Variants in ANOS1 observed in about 807,000 individuals in gnomAD.
The protein encoded by ANOS1 is anosmin-1.
A neutral mutation model predicts 59.0 loss-of-function variants in ANOS1; 6 were observed. That is an observed-to-expected ratio of 0.10 (90% CI 0.06 to 0.20). The LOEUF is 0.20. ANOS1 is among the 10% of genes least tolerant of loss of function. The probability of loss-of-function intolerance (pLI) is 1.00; values close to 1 mark genes in which losing one functional copy is unlikely to be tolerated. For missense variants in ANOS1, 433 were observed against 542.3 expected (o/e 0.80, Z 2.00); for synonymous variants, 217 against 223.4 (o/e 0.97, Z 0.25).
intron 2 of ANOS1, among the ~76,000 whole-genome samples, chrX:8,624,175 C>T (rs1315455463): frequency 9.2e-6 from 1 of 108,591 alleles, no homozygotes; most frequent in Non-Finnish European, 1.9e-5. Context: ...GCCACCACAC[C>T]GGGCTAATTT....
intron 2 of ANOS1, among the ~76,000 whole-genome samples, chrX:8,661,116 T>G (rs1174426897): frequency 1.8e-5 from 2 of 111,643 alleles, no homozygotes; most frequent in African/African-American, 6.5e-5. Flanking sequence ...CTCCTTGGCT[T>G]GTAGATGCTG....
intron 3 of ANOS1, among the ~76,000 whole-genome samples, chrX:8,618,091 G>A (rs1931207677): frequency 8.9e-6 from 1 of 111,932 alleles, no homozygotes; most frequent in Admixed American, 9.5e-5. Context: ...TCTTCTCCTT[G>A]TGTATGAGTT....
Position 8,684,442 on chromosome X carries a change from CAG to C in ANOS1, c.255+15254_255+15255del, listed in dbSNP as rs948377824. Among the ~76,000 whole-genome samples the C allele has an allele frequency of 9.4e-4, 105 of 111,449 alleles. 1 individual carries two copies. The highest frequency in any genetic ancestry group is 3.3e-3 in the African/African-American group (100 of 30,696). On this transcript the variant is annotated intron_variant, in intron 2 of 13. Transcript: ENST00000262648. ...CTTGCCGGCCGTAATGTGAATTCCC[CAG>C]AGTCGGTACACTGTGCTCACTGAAG...
intron 2 of ANOS1, among the ~76,000 whole-genome samples, chrX:8,686,632 C>A (rs1328391450): frequency 8.9e-6 from 1 of 111,762 alleles, no homozygotes; most frequent in Non-Finnish European, 1.9e-5. Flanking sequence ...CAAGGAGGCA[C>A]AATTAGTACT....
intron 2 of ANOS1, among the ~76,000 whole-genome samples, chrX:8,654,346 A>G: frequency 1.8e-5 from 2 of 112,538 alleles, no homozygotes; most frequent in Non-Finnish European, 3.7e-5. Context: ...ATAGAATTCC[A>G]TAAAAGAAAA....
At chrX:8,694,686 A>T (rs1932657387) in intron 2 of ANOS1, among the ~76,000 whole-genome samples, 1 of 112,187 alleles carries the variant, frequency 8.9e-6, no homozygotes, top group Non-Finnish European at 1.9e-5. Flanking sequence ...ATAAAATAAA[A>T]GTAATGTACA....
chrX:8,628,306 T>C (rs779482651), intron 2 of ANOS1, among the ~76,000 whole-genome samples: 4 of 112,166 alleles, frequency 3.6e-5, no homozygotes, highest in African/African-American at 1.3e-4. Flanking sequence ...TCATAAATAA[T>C]CTACCCCTTA....
At chrX:8,576,687 G>A (rs1930333146) in intron 6 of ANOS1, among the ~76,000 whole-genome samples, 1 of 110,161 alleles carries the variant, frequency 9.1e-6, no homozygotes, top group Admixed American at 9.8e-5. Context: ...ATATGTCCAA[G>A]GTCATTCACA....
chrX:8,613,553 G>A (rs1182082459), intron 3 of ANOS1, among the ~76,000 whole-genome samples: 1 of 111,105 alleles, frequency 9.0e-6, no homozygotes, highest in Non-Finnish European at 1.9e-5. Flanking sequence ...ATCATTTTAA[G>A]CAATTGCACA....
At chrX:8,620,538 G>A (rs754551454) in intron 3 of ANOS1, among the ~76,000 whole-genome samples, 1 of 111,774 alleles carries the variant, frequency 8.9e-6, no homozygotes, top group African/African-American at 3.3e-5. Context: ...GAGGATGAAC[G>A]GGATTGTTTT....
chrX:8,640,817 C>T (rs887262045), intron 2 of ANOS1, among the ~76,000 whole-genome samples: 10 of 111,691 alleles, frequency 9.0e-5, no homozygotes, highest in Non-Finnish European at 1.5e-4. Flanking sequence ...TTCTACAAGT[C>T]ATAGATACAA....
intron 2 of ANOS1, among the ~76,000 whole-genome samples, chrX:8,666,596 C>G (rs750368809): frequency 8.9e-6 from 1 of 111,944 alleles, no homozygotes; most frequent in Admixed American, 9.5e-5. Context: ...ACAATGAACA[C>G]TGAAAAAGCT....
At position 8,662,344 on chromosome X, in the gene ANOS1, C is replaced by T. The variant is rs142398946; in HGVS notation, c.255+37354G>A. Reference sequence around the variant, plus strand: ...TCAGATTCTTAATTTTTCAAAGGGGCCTTGCATTCTCATTTTTCACCGGGT... The same window carrying T: ...TCAGATTCTTAATTTTTCAAAGGGGTCTTGCATTCTCATTTTTCACCGGGT... On this transcript the variant is annotated intron_variant, in intron 2 of 13. Transcript: ENST00000262648. Among the ~76,000 whole-genome samples the T allele has an allele frequency of 4.6e-3, 513 of 111,960 alleles. 2 individuals are homozygous for T. The highest frequency in any genetic ancestry group is 0.016 in the African/African-American group (495 of 30,823).
At chrX:8,717,923 G>C (rs1214634325) in intron 1 of ANOS1, among the ~76,000 whole-genome samples, 3 of 109,607 alleles carry the variant, frequency 2.7e-5, no homozygotes, top group Non-Finnish European at 5.7e-5. Context: ...AATTAGCCAA[G>C]CGTGGTGGTA....
At chrX:8,594,333 C>T (rs1013111588) in intron 4 of ANOS1, among the ~76,000 whole-genome samples, 43 of 109,198 alleles carry the variant, frequency 3.9e-4, no homozygotes, top group African/African-American at 1.4e-3. Flanking sequence ...TTGGTTTGTG[C>T]GCTGACTGGG....
At chrX:8,660,594 GTGA>G (rs1464403107) in intron 2 of ANOS1, among the ~76,000 whole-genome samples, 2 of 104,985 alleles carry the variant, frequency 1.9e-5, no homozygotes, top group African/African-American at 7.3e-5. Flanking sequence ...GGGCAACATA[GTGA>G]GACCCTGTCT....
intron 2 of ANOS1, among the ~76,000 whole-genome samples, chrX:8,677,163 C>T (rs926041380): frequency 2.7e-5 from 3 of 111,149 alleles, no homozygotes; most frequent in Middle Eastern, 4.2e-3. Flanking sequence ...CATATTGGGC[C>T]GATGGTTCCT....
chrX:8,704,592 T>G (rs1932771757), intron 1 of ANOS1, among the ~76,000 whole-genome samples: 2 of 112,337 alleles, frequency 1.8e-5, no homozygotes, highest in African/African-American at 6.5e-5. Flanking sequence ...TTTCTACTAA[T>G]CACAAAATGA....
At chrX:8,595,298 T>C (rs1047861614) in intron 4 of ANOS1, among the ~76,000 whole-genome samples, 2 of 111,639 alleles carry the variant, frequency 1.8e-5, no homozygotes, top group Non-Finnish European at 3.8e-5. Context: ...AAAAGTGACT[T>C]GCTGTAATTT....
Sources: gnomAD v4.1 joint callset for allele counts (sites outside exome capture counted in the v4.1 genomes callset) on GRCh38, gnomAD v4.1.1 for gene constraint, MANE v1.5 for transcripts, NCBI Gene and HGNC (gene_info 2026-07-23, HGNC 2026-07-21) for gene names.